The following SPATA16 variants were observed in gnomAD, a reference collection of about 807,000 sequenced individuals.
SPATA16 encodes the protein spermatogenesis-associated protein 16.
SPATA16 carries 36 observed loss-of-function variants against 63.3 expected under a neutral mutation model. That is an observed-to-expected ratio of 0.57 (90% CI 0.44 to 0.75). SPATA16 has a LOEUF of 0.75. Ranked by LOEUF, SPATA16 falls within the 30% of genes least tolerant of loss-of-function variation. SPATA16 has a pLI of 0.00. For synonymous variants in SPATA16, 203 were observed against 216.7 expected (o/e 0.94, Z 0.56); for missense variants, 646 against 679.3 (o/e 0.95, Z 0.54).
chr3:173,121,747 A>AT (rs1473981828), intron 1 of SPATA16, among the ~76,000 whole-genome samples: 2 of 152,152 alleles, frequency 1.3e-5, no homozygotes, highest in Non-Finnish European at 2.9e-5. Flanking sequence ...ACAACATTGG[A>AT]TTTTTTTAAA....
At chr3:173,057,252 C>T (rs1224374487) in intron 2 of SPATA16, among the ~76,000 whole-genome samples, 2 of 151,892 alleles carry the variant, frequency 1.3e-5, no homozygotes, top group East Asian at 3.9e-4. Flanking sequence ...GCTGGGACTA[C>T]AGGTGCCCGC....
At chr3:172,963,482 G>T (rs953749252) in intron 5 of SPATA16, among the ~76,000 whole-genome samples, 4 of 151,654 alleles carry the variant, frequency 2.6e-5, no homozygotes, top group Non-Finnish European at 5.9e-5. Flanking sequence ...ATTTAATTTA[G>T]TTTTGTAGTG....
chr3:173,049,304 G>A (rs923418264), intron 2 of SPATA16, among the ~76,000 whole-genome samples: 7 of 151,396 alleles, frequency 4.6e-5, no homozygotes, highest in South Asian at 2.1e-4. Context: ...AATTGTTCCT[G>A]TTCACTATTA....
intron 4 of SPATA16, among the ~76,000 whole-genome samples, chr3:173,006,174 A>G (rs138601283): frequency 2.0e-5 from 3 of 152,326 alleles, no homozygotes; most frequent in East Asian, 3.9e-4. Context: ...CCAAGACACA[A>G]CATTTTTACA....
intron 6 of SPATA16, among the ~76,000 whole-genome samples, chr3:172,953,236 C>T (rs1560077365): frequency 6.6e-6 from 1 of 152,046 alleles, no homozygotes; most frequent in South Asian, 2.1e-4. Context: ...AATAAATGTT[C>T]GCTGAATAAA....
At chr3:173,038,393 T>C (rs1735762680) in intron 3 of SPATA16, among the ~76,000 whole-genome samples, 1 of 152,082 alleles carries the variant, frequency 6.6e-6, no homozygotes, top group South Asian at 2.1e-4. Context: ...TCAGTGGGAA[T>C]GAGCCTTAGT....
chr3:172,920,275 A>C (rs1478575266), intron 8 of SPATA16, among the ~76,000 whole-genome samples: 1 of 152,216 alleles, frequency 6.6e-6, no homozygotes, highest in African/African-American at 2.4e-5. Flanking sequence ...TGAGGGAAAA[A>C]TGCTTTTTAA....
At chr3:173,105,739 A>C (rs1737604422) in intron 2 of SPATA16, among the ~76,000 whole-genome samples, 1 of 151,116 alleles carries the variant, frequency 6.6e-6, no homozygotes, top group African/African-American at 2.4e-5. Flanking sequence ...AACTCTGCAA[A>C]TTTTCCTTCC....
In SPATA16 at chr3:173,062,329, A is replaced by C. The variant is rs543725965; in HGVS notation, c.613-13235T>G. The stretch of plus-strand genomic sequence containing the variant: ...TGTGTTTTAACTCATAAGAGTAATG[A>C]CTTTAAAATTAAAATGTTAGTAGTA... On this transcript the variant is annotated intron_variant, in intron 2 of 10. Coordinates refer to ENST00000351008, the MANE Select transcript of SPATA16 (RefSeq NM_031955.6). Among the ~76,000 whole-genome samples, 33 of 152,312 alleles carry C rather than the reference A, an allele frequency of 2.2e-4. 1 individual carries two copies. The East Asian group carries it at 5.0e-3, about 23-fold the overall frequency.
intron 1 of SPATA16, among the ~76,000 whole-genome samples, chr3:173,139,153 G>A (rs1387930832): frequency 3.3e-5 from 5 of 152,082 alleles, no homozygotes; most frequent in South Asian, 2.1e-4. Flanking sequence ...AACAGTAACC[G>A]CTCAATAAAT....
intron 3 of SPATA16, among the ~76,000 whole-genome samples, chr3:173,023,896 G>A (rs1369194569): frequency 1.3e-5 from 2 of 150,640 alleles, no homozygotes; most frequent in Non-Finnish European, 3.0e-5. Flanking sequence ...GAATTTTAAA[G>A]CTTAAGAATT....
intron 2 of SPATA16, among the ~76,000 whole-genome samples, chr3:173,112,981 C>CT (rs1383834513): frequency 6.6e-6 from 1 of 152,110 alleles, no homozygotes; most frequent in African/African-American, 2.4e-5. Flanking sequence ...TTAGAAAAAC[C>CT]TTTGATAATT....
At chr3:173,087,770 C>T (rs1023330522) in intron 2 of SPATA16, among the ~76,000 whole-genome samples, 1 of 152,010 alleles carries the variant, frequency 6.6e-6, no homozygotes, top group African/African-American at 2.4e-5. Flanking sequence ...TTTATTTCTC[C>T]TTCCCTTATG....
intron 6 of SPATA16, among the ~76,000 whole-genome samples, chr3:172,948,860 G>T (rs1344736712): frequency 6.6e-6 from 1 of 152,112 alleles, no homozygotes. Flanking sequence ...TTTTTGCAAC[G>T]TGGAAGAAGT....
intron 2 of SPATA16, among the ~76,000 whole-genome samples, chr3:173,106,892 G>A (rs901930550): frequency 6.6e-6 from 1 of 151,930 alleles, no homozygotes; most frequent in Non-Finnish European, 1.5e-5. Flanking sequence ...TTTAATCTAT[G>A]TATCTTTAAT....
intron 10 of SPATA16, among the ~76,000 whole-genome samples, chr3:172,906,022 A>G (rs1484354801): frequency 6.6e-6 from 1 of 152,240 alleles, no homozygotes; most frequent in Non-Finnish European, 1.5e-5. Flanking sequence ...TCTCAATGCC[A>G]GGTTTAGGCT....
intron 3 of SPATA16, among the ~76,000 whole-genome samples, chr3:173,036,576 T>G (rs1407683566): frequency 6.6e-6 from 1 of 152,036 alleles, no homozygotes; most frequent in Non-Finnish European, 1.5e-5. Flanking sequence ...TTGATTGATA[T>G]GGTTTCAGAA....
intron 6 of SPATA16, among the ~76,000 whole-genome samples, chr3:172,926,721 G>A (rs932066018): frequency 6.6e-6 from 1 of 152,132 alleles, no homozygotes; most frequent in Non-Finnish European, 1.5e-5. Context: ...CCAAGATCAC[G>A]AATTGAGCAA....
At chr3:173,071,374 G>A (rs924470675) in intron 2 of SPATA16, among the ~76,000 whole-genome samples, 26 of 152,088 alleles carry the variant, frequency 1.7e-4, no homozygotes, top group African/African-American at 5.8e-4. Flanking sequence ...GAAAACATTG[G>A]GGAAATACTC....
Sources: gnomAD v4.1 joint callset for allele counts (sites outside exome capture counted in the v4.1 genomes callset) on GRCh38, gnomAD v4.1.1 for gene constraint, MANE v1.5 for transcripts, NCBI Gene and HGNC (gene_info 2026-07-23, HGNC 2026-07-21) for gene names.